The following TANGO2 variants were observed in gnomAD, a reference collection of about 807,000 sequenced individuals.
TANGO2 encodes transport and golgi organization 2 homolog.
A neutral mutation model predicts 39.1 loss-of-function variants in TANGO2; 26 were observed. That is an observed-to-expected ratio of 0.67 (90% confidence interval 0.49 to 0.92). The LOEUF is 0.92. TANGO2 is among the 40% of genes least tolerant of loss of function. The pLI, the probability that TANGO2 is intolerant of heterozygous loss-of-function variation, is 0.00. For missense variants in TANGO2, 326 were observed against 360.1 expected (o/e 0.91, Z 0.77); for synonymous variants, 131 against 144.5 (o/e 0.91, Z 0.67).
At chr22:20,047,379 G>A (rs1431642559) in intron 3 of TANGO2, among the ~76,000 whole-genome samples, 5 of 151,728 alleles carry the variant, frequency 3.3e-5, no homozygotes, top group East Asian at 1.9e-4. Context: ...GATTACAGGC[G>A]CCTGCCACCA....
intron 6 of TANGO2, chr22:20,058,486 C>CA (rs2047776611): frequency 6.6e-6 from 1 of 151,974 alleles, no homozygotes; most frequent in South Asian, 2.1e-4. Flanking sequence ...ACTAAAAATA[C>CA]AAAAAATTAG....
intron 6 of TANGO2, among the ~76,000 whole-genome samples, chr22:20,060,703 G>A (rs1277600774): frequency 6.6e-6 from 1 of 152,106 alleles, no homozygotes; most frequent in East Asian, 1.9e-4. Context: ...GGCTCTGGGG[G>A]CCCCAGCAGA....
chr22:20,055,553 C>T, intron 5 of TANGO2: 1 of 309,960 alleles, frequency 3.2e-6, no homozygotes, highest in Non-Finnish European at 6.2e-6. Flanking sequence ...CAGAAACCCT[C>T]ATAGATGAGC....
chr22:20,040,931 T>C (rs556587540), intron 2 of TANGO2, among the ~76,000 whole-genome samples: 51 of 152,320 alleles, frequency 3.3e-4, no homozygotes, highest in Non-Finnish European at 5.9e-4. Context: ...TGGGGCCAGC[T>C]GGGTGTCAGA....
At chr22:20,055,842 C>A (rs909160547) in intron 5 of TANGO2, 101 bp from the exon 6 acceptor site, 1 of 1,080,712 alleles carries the variant, frequency 9.3e-7, no homozygotes, top group Non-Finnish European at 1.4e-6. Context: ...GGCTACTGCG[C>A]ACATCGCTAG....
At chr22:20,026,661 C>T (rs1241337576) in intron 1 of TANGO2, among the ~76,000 whole-genome samples, 1 of 152,256 alleles carries the variant, frequency 6.6e-6, no homozygotes, top group Non-Finnish European at 1.5e-5. Flanking sequence ...AGCTGCACTA[C>T]GGGTCAGTGA....
chr22:20,032,628 C>A (rs1460442071), intron 1 of TANGO2, among the ~76,000 whole-genome samples: 1 of 152,360 alleles, frequency 6.6e-6, no homozygotes, highest in East Asian at 1.9e-4. Flanking sequence ...AGTGCTGAGC[C>A]CAGGGCAGGG....
chr22:20,041,405 C>A (rs541126415), intron 2 of TANGO2, among the ~76,000 whole-genome samples: 17 of 151,622 alleles, frequency 1.1e-4, no homozygotes, highest in South Asian at 2.1e-4. Flanking sequence ...CTCTGCCTCC[C>A]GGGTTCACAC....
chr22:20,023,104 CT>C (rs2040026917), intron 1 of TANGO2, among the ~76,000 whole-genome samples: 1 of 152,202 alleles, frequency 6.6e-6, no homozygotes, highest in Non-Finnish European at 1.5e-5. Flanking sequence ...CTCAACTTCC[CT>C]TTTAGACTGC....
chr22:20,063,289 G>A (rs768379292), intron 7 of TANGO2, 49 bp from the exon 8 acceptor site: 21 of 1,575,146 alleles, frequency 1.3e-5, no homozygotes, highest in Middle Eastern at 1.7e-4. Flanking sequence ...ACCCGGCTGC[G>A]GGCGGGCCAC....
chr22:20,024,608 T>A (rs1312305657), intron 1 of TANGO2, among the ~76,000 whole-genome samples: 1 of 152,202 alleles, frequency 6.6e-6, no homozygotes, highest in Non-Finnish European at 1.5e-5. Flanking sequence ...CAGCAGACTG[T>A]AGGGCTTAGT....
In TANGO2 at chr22:20,057,437, C is replaced by A. The variant is rs1307286383; in HGVS notation, c.451+1424C>A. Among the ~76,000 whole-genome samples, 3 of 152,196 alleles carry A rather than the reference C, an allele frequency of 2.0e-5. No individual in the cohort carries two copies. Among genetic ancestry groups the A allele is most frequent in the African/African-American group, 4.8e-5 (2 of 41,444 alleles). The stretch of plus-strand genomic sequence containing the variant: ...CTTCCAGTGTGTCCCACCCACTGCC[C>A]CCACGCCTACCAGCTGGTGCCCTCT... On this transcript the variant is annotated intron_variant, in intron 6 of 8. Transcript: ENST00000327374. The surrounding 1 kb of genome is among the most constrained non-coding windows in gnomAD (Gnocchi z 4.1).
rs937451839 is a variant in TANGO2 at position 20,056,011 on chromosome 22, C to T, written c.449C>T (p.Pro150Leu). ...RGEPDPIVLT[P>L]GTYGLSNALL... is the part of the protein sequence containing the mutation. ...GAGCCTGATCCTATCGTTTTGACGCCAGGTGAGCCTGCCCTGGCAGCCTGA... is the reference window on the plus strand; with the variant it reads ...GAGCCTGATCCTATCGTTTTGACGCTAGGTGAGCCTGCCCTGGCAGCCTGA... The change falls in exon 6 of 9, where the codon CCA becomes CTA. Residue 150 changes from proline to leucine, a missense_variant and splice_region_variant. Transcript: ENST00000327374. The T allele has an allele frequency of 6.2e-6, 10 of 1,613,686 alleles. No homozygotes were observed. In the South Asian group the frequency reaches 1.1e-4, roughly 18 times the overall value.
chr22:20,035,427 A>G (rs2042660937), intron 1 of TANGO2, among the ~76,000 whole-genome samples: 2 of 152,190 alleles, frequency 1.3e-5, no homozygotes, highest in African/African-American at 4.8e-5. Context: ...TCTGCCCTGG[A>G]GCCGTGTCAC....
chr22:20,045,810 C>G (rs779246242), intron 3 of TANGO2, among the ~76,000 whole-genome samples: 2 of 152,028 alleles, frequency 1.3e-5, no homozygotes, highest in Non-Finnish European at 2.9e-5. Context: ...GCGGCCATTA[C>G]TTTTTCAAGT....
At chr22:20,032,272 T>C (rs549818664) in intron 1 of TANGO2, among the ~76,000 whole-genome samples, 1 of 152,364 alleles carries the variant, frequency 6.6e-6, no homozygotes, top group Non-Finnish European at 1.5e-5. Context: ...ATTTTCCGCC[T>C]GGAGAGGATG....
intron 3 of TANGO2, among the ~76,000 whole-genome samples, chr22:20,048,898 G>A (rs1602176484): frequency 6.6e-6 from 1 of 152,278 alleles, no homozygotes; most frequent in East Asian, 1.9e-4. Context: ...GCCTGCCTTG[G>A]CCTCCCAAAG....
In TANGO2 at chr22:20,037,234, T is replaced by C. The variant is rs1382215376; in HGVS notation, c.56+380T>C. ...GCGGGTCACAGCTGCTGGTGAGAAG[T>C]CAAAGTGGCGGCCAGGCTAGGGGTC... On this transcript the variant is annotated intron_variant, in intron 2 of 8. Coordinates refer to ENST00000327374, the MANE Select transcript of TANGO2 (RefSeq NM_152906.7). 7 of 1,014,510 alleles carry C rather than the reference T, an allele frequency of 6.9e-6. No individual in the cohort carries two copies. The East Asian group carries it at 1.8e-4, about 26-fold the overall frequency. The allele number at this position is 1,014,510 out of a possible 1,614,324, so 62.8% of individuals were successfully genotyped here. A position where few individuals can be genotyped will look rare whatever the true frequency, so the allele number is the denominator to read the frequency against.
At chr22:20,020,426 A>G (rs1387195021), upstream of TANGO2, among the ~76,000 whole-genome samples, 2 of 150,308 alleles carry the variant, frequency 1.3e-5, no homozygotes, top group African/African-American at 4.9e-5. Flanking sequence ...GTCAGTGCCC[A>G]CCTGCTCACC....
Sources: allele counts gnomAD v4.1 joint callset (sites outside exome capture counted in the v4.1 genomes callset), GRCh38; gene constraint gnomAD v4.1.1; non-coding constraint Gnocchi (gnomAD v3.1); transcripts MANE v1.5; gene names NCBI Gene and HGNC (gene_info 2026-07-23, HGNC 2026-07-21).